Variants in ZDHHC11B observed in about 807,000 individuals in gnomAD.
The protein encoded by ZDHHC11B is probable palmitoyltransferase ZDHHC11B.
ZDHHC11B carries 17 observed loss-of-function variants against 42.3 expected under a neutral mutation model. The ratio of observed to expected loss-of-function variants is 0.40; its 90% CI spans 0.27 to 0.60. The LOEUF is 0.60. ZDHHC11B is among the 20% of genes least tolerant of loss of function. The pLI, the probability that ZDHHC11B is intolerant of heterozygous loss-of-function variation, is 0.41. For missense variants in ZDHHC11B, 262 were observed against 463.2 expected (o/e 0.57, Z 3.99); for synonymous variants, 123 against 193.5 (o/e 0.64, Z 3.02).
chr5:724,164 G>A (rs1179660574), intron 12 of ZDHHC11B, among the ~76,000 whole-genome samples: 31 of 151,434 alleles, frequency 2.0e-4, no homozygotes, highest in African/African-American at 7.1e-4. Context: ...CCCCTTGGAC[G>A]TCTGCATGTG....
In ZDHHC11B at chr5:779,119, CACACAGACTA is replaced by C. The variant is rs1475243060; in HGVS notation, c.-230+5539_-230+5548del. Among the ~76,000 whole-genome samples the C allele has an allele frequency of 9.2e-5, 14 of 151,374 alleles. 1 individual carries two copies. The highest frequency in any genetic ancestry group is 1.8e-4 in the Non-Finnish European group (12 of 67,900). ...CATGCCTGGTGCTGTTACAGCAACA[CACACAGACTA>C]ACACAGTCGCCCTGAGGCTGGGGCT... On this transcript the variant is annotated intron_variant, in intron 1 of 13. Coordinates refer to ENST00000508859, the MANE Select transcript of ZDHHC11B (RefSeq NM_001351303.2).
rs565108627 is a variant in ZDHHC11B at position 718,871 on chromosome 5, C to T, written c.1059-2006G>A. Among the ~76,000 whole-genome samples the T allele has an allele frequency of 2.1e-3, 313 of 151,646 alleles. 9 individuals carry two copies. The highest frequency in any genetic ancestry group is 7.0e-3 in the African/African-American group (290 of 41,144). ...TCAGAGTGAGCGTCAGGGACCTTGT[C>T]CTCAATAAATTTGAGGTGGTACATT... On this transcript the variant is annotated intron_variant, in intron 12 of 13. Coordinates refer to ENST00000508859, the MANE Select transcript of ZDHHC11B (RefSeq NM_001351303.2).
In ZDHHC11B at chr5:745,256, C is replaced by G. The variant is rs62332112; in HGVS notation, c.827G>C (p.Arg276Pro). The G allele has an allele frequency of 0.056, 88,172 of 1,563,326 alleles. 3,160 individuals carry two copies. The highest frequency in any genetic ancestry group is 0.063 in the Non-Finnish European group (72,285 of 1,139,276). Reference protein sequence around the residue: ...MTTFEYLINTRKEESSKHQAV... With the variant: ...MTTFEYLINTPKEESSKHQAV... ...TTGATGTTTTGAACTCTCTTCTTTG[C>G]GGGTATTAATGAGATACTCAAAGGT... The change falls in exon 9 of 14, where the codon CGC (arginine) becomes CCC (proline). Residue 276 changes from arginine to proline, a missense_variant. By Grantham distance (103) the Arg-to-Pro change is moderately radical. Transcript: ENST00000508859.
chr5:737,487 G>C (rs1399946212), intron 10 of ZDHHC11B, among the ~76,000 whole-genome samples: 2 of 147,626 alleles, frequency 1.4e-5, no homozygotes, highest in Non-Finnish European at 3.0e-5. Context: ...AACCATGAAA[G>C]GACATAGCAA....
intron 13 of ZDHHC11B, among the ~76,000 whole-genome samples, chr5:713,397 C>G (rs1256475854): frequency 5.9e-5 from 9 of 151,970 alleles, no homozygotes; most frequent in Non-Finnish European, 1.2e-4. Flanking sequence ...TTTGTGTTTT[C>G]TTTCTTTATG....
chr5:751,339 G>A (rs1238250628), intron 6 of ZDHHC11B, 82 bp from the exon 7 acceptor site: 3 of 134,974 alleles, frequency 2.2e-5, no homozygotes, highest in African/African-American at 1.1e-4. Flanking sequence ...GGGGCACGGG[G>A]GCAGGGGGTG....
At chr5:753,664 G>A (rs1420317797) in intron 6 of ZDHHC11B, among the ~76,000 whole-genome samples, 1 of 148,460 alleles carries the variant, frequency 6.7e-6, no homozygotes, top group Non-Finnish European at 1.5e-5. Context: ...CTTCTCCAGG[G>A]GAGGAGGCGG....
At chr5:733,888 G>C (rs749519806) in intron 10 of ZDHHC11B, 49 bp from the exon 11 acceptor site, 1 of 1,502,092 alleles carries the variant, frequency 6.7e-7, no homozygotes, top group East Asian at 2.3e-5. Context: ...TTTGTGGGGG[G>C]GCTCAGGGTG....
chr5:721,567 G>A (rs1482446692), intron 12 of ZDHHC11B, among the ~76,000 whole-genome samples: 1 of 151,376 alleles, frequency 6.6e-6, no homozygotes, highest in Admixed American at 6.6e-5. Context: ...GCGAGGATGG[G>A]GGTGGGATGT....
chr5:724,767 C>G (rs1353896796), intron 12 of ZDHHC11B, among the ~76,000 whole-genome samples: 1 of 150,052 alleles, frequency 6.7e-6, no homozygotes, highest in African/African-American at 2.5e-5. Flanking sequence ...AAATTTCAAA[C>G]ATAAACAGGA....
At chr5:765,920 C>T (rs1174242721) in intron 4 of ZDHHC11B, among the ~76,000 whole-genome samples, 1 of 151,960 alleles carries the variant, frequency 6.6e-6, no homozygotes, top group Non-Finnish European at 1.5e-5. Context: ...TCACCACTTC[C>T]CCACTGAGGA....
chr5:766,904 C>G lies in ZDHHC11B; in HGVS notation c.16G>C (p.Gly6Arg), dbSNP rs553479208. Residue 6 changes from glycine (G) to arginine (R), a missense_variant, in exon 4 of 14, where the codon GGG (glycine) becomes CGG (arginine). Around this residue, in one of 5 missense-constraint regions of ZDHHC11B, gnomAD observed 97 missense variants for 98.1 expected, o/e 0.99. Transcript: ENST00000508859. MDTRS[G>R]SQCSVTPEAI... ...TCTGGGGTGACGGAACACTGGCTCC[C>G]GGAGCGGGTGTCCATCTGCAGGACA... is the stretch of plus-strand genomic sequence containing the variant. The G allele has an allele frequency of 6.2e-7, 1 of 1,612,222 alleles. No homozygotes were observed. The highest frequency in any genetic ancestry group is 8.5e-7 in the Non-Finnish European group (1 of 1,179,128).
chr5:765,391 G>GCA (rs1186632116), intron 4 of ZDHHC11B, among the ~76,000 whole-genome samples: 1 of 151,706 alleles, frequency 6.6e-6, no homozygotes, highest in African/African-American at 2.4e-5. Context: ...GTTTGTAAAT[G>GCA]CACCAATCAG....
chr5:731,817 T>A (rs1743038225), intron 11 of ZDHHC11B: 1 of 151,948 alleles, frequency 6.6e-6, no homozygotes, highest in South Asian at 2.1e-4. Flanking sequence ...AATGTTAAAG[T>A]TTCCCCCTCT....
intron 9 of ZDHHC11B, among the ~76,000 whole-genome samples, chr5:742,309 TTC>T (rs1744248972): frequency 6.8e-6 from 1 of 145,996 alleles, no homozygotes; most frequent in South Asian, 2.4e-4. Flanking sequence ...AAACTGGGTT[TTC>T]TGTTTGTTTA....
At chr5:778,951 C>A (rs1489636214) in intron 1 of ZDHHC11B, among the ~76,000 whole-genome samples, 5 of 151,760 alleles carry the variant, frequency 3.3e-5, no homozygotes, top group African/African-American at 1.2e-4. Flanking sequence ...TATCAAAGGG[C>A]TGGGGCATGA....
At chr5:731,309 G>A (rs1743005114) in intron 11 of ZDHHC11B, among the ~76,000 whole-genome samples, 1 of 149,626 alleles carries the variant, frequency 6.7e-6, no homozygotes, top group South Asian at 2.2e-4. Flanking sequence ...CAAACTCCTG[G>A]CCTCAAGGGA....
At chr5:717,222 T>C (rs557094814) in intron 12 of ZDHHC11B, among the ~76,000 whole-genome samples, 1 of 151,758 alleles carries the variant, frequency 6.6e-6, no homozygotes, top group South Asian at 2.1e-4. Context: ...GCCTGGTACC[T>C]TCTTCTCACA....
intron 1 of ZDHHC11B, among the ~76,000 whole-genome samples, chr5:777,841 T>C (rs1736659344): frequency 6.6e-6 from 1 of 151,934 alleles, no homozygotes; most frequent in Non-Finnish European, 1.5e-5. Flanking sequence ...CCTCAGCCCT[T>C]GGGCGGTCCA....
Sources: allele counts gnomAD v4.1 joint callset (sites outside exome capture counted in the v4.1 genomes callset), GRCh38; gene constraint gnomAD v4.1.1; regional missense constraint gnomAD v4.1.1; transcripts MANE v1.5; gene names NCBI Gene and HGNC (gene_info 2026-07-23, HGNC 2026-07-21).